Variants in WNK2 observed in about 807,000 individuals in gnomAD.
WNK2 encodes serine/threonine-protein kinase WNK2.
A neutral mutation model predicts 192.1 loss-of-function variants in WNK2; 67 were observed. That is an observed-to-expected ratio of 0.35 (90% CI 0.29 to 0.43). The LOEUF (loss-of-function observed/expected upper bound fraction) is 0.43. Among genes scored for constraint, WNK2 ranks in the 20% least tolerant of loss-of-function variants. The probability of loss-of-function intolerance (pLI) is 1.00; values close to 1 mark genes in which losing one functional copy is unlikely to be tolerated. For synonymous variants in WNK2, 1,439 were observed against 1,393.9 expected (o/e 1.03, Z -0.72); for missense variants, 2,698 against 3,089.7 (o/e 0.87, Z 3.01).
chr9:93,314,552 C>CTTATAAGCAATGATGCCAGCCAT (rs1238665379), intron 28 of WNK2, among the ~76,000 whole-genome samples: 1 of 152,112 alleles, frequency 6.6e-6, no homozygotes. Flanking sequence ...GTTCAAGACA[C>CTTATAAGCAATGATGCCAGCCAT]TTATAAGCAA....
chr9:93,199,246 C>T (rs1831889434), intron 2 of WNK2, among the ~76,000 whole-genome samples: 2 of 152,232 alleles, frequency 1.3e-5, no homozygotes, highest in African/African-American at 2.4e-5. Flanking sequence ...ATTCTGGTGG[C>T]ACCAGGACTG....
rs1851361619 is a variant in WNK2, at chr9:93,300,265, C to T, written c.6214+116C>T. On this transcript the variant is annotated intron_variant, in intron 26 of 29. Coordinates refer to ENST00000427277, the MANE Select transcript of WNK2 (RefSeq NM_006648.4). ...TCATAGGATGCCTCCCCCACCCCAT[C>T]GAAGTCACCTATTTAATATCAAAGT... The T allele has an allele frequency of 6.0e-6, 5 of 828,440 alleles. No homozygotes were observed. In the Admixed American group the frequency reaches 6.7e-5, roughly 11 times the overall value. The allele number at this position is 828,440 out of a possible 1,614,324, so 51.3% of individuals were successfully genotyped here. A position where few individuals can be genotyped will look rare whatever the true frequency, so the allele number is the denominator to read the frequency against.
chr9:93,208,053 G>T (rs573161626), intron 2 of WNK2, among the ~76,000 whole-genome samples: 14 of 152,262 alleles, frequency 9.2e-5, no homozygotes, highest in Non-Finnish European at 1.9e-4. Flanking sequence ...TCCGGTGCCT[G>T]GCTTTTCTTG....
rs931910409 is a variant in WNK2, at chr9:93,239,186, C to T, written c.1323-571C>T. ...CTCCCGGATCCCTGCAAAGAGCCTT[C>T]GAGGCTGGGTCTGGCTGGGGCCCCC... is the stretch of plus-strand genomic sequence containing the variant. On this transcript the variant is annotated intron_variant, in intron 6 of 29. Transcript: ENST00000427277. This position sits in a 1 kb window ranked among gnomAD's most constrained non-coding sequence, Gnocchi z 4.2. 1.1e-4 allele frequency among the ~76,000 whole-genome samples: 17 copies of T among 152,204 alleles called. No homozygotes were observed. The highest frequency in any genetic ancestry group is 3.9e-4 in the African/African-American group (16 of 41,446).
intron 2 of WNK2, among the ~76,000 whole-genome samples, chr9:93,186,060 C>G (rs928197854): frequency 7.9e-5 from 12 of 152,120 alleles, no homozygotes; most frequent in Non-Finnish European, 1.5e-4. Flanking sequence ...TTTGGGGGCT[C>G]TGGGCTGCCC....
chr9:93,274,589 T>G (rs2133396064), intron 19 of WNK2, among the ~76,000 whole-genome samples: 1 of 149,450 alleles, frequency 6.7e-6, no homozygotes, highest in East Asian at 1.9e-4. Flanking sequence ...GGTATATTAC[T>G]GTAGATAAAG....
Position 93,257,737 on chromosome 9 carries a change from T to C in WNK2, c.2382+598T>C, listed in dbSNP as rs1002520704. Among the ~76,000 whole-genome samples, 2 of 152,220 alleles carry C rather than the reference T, an allele frequency of 1.3e-5. No individual in the cohort carries two copies. The highest frequency in any genetic ancestry group is 1.3e-4 in the Admixed American group (2 of 15,284). On this transcript the variant is annotated intron_variant, in intron 11 of 29. Transcript: ENST00000427277. This position sits in a 1 kb window ranked among gnomAD's most constrained non-coding sequence, Gnocchi z 4.7. ...TTCCAAAGCCAGCCTGTGGCATTGCTGACTGCAGGAAAGCCCAGCCAGCAA... is the reference window on the plus strand; with the variant it reads ...TTCCAAAGCCAGCCTGTGGCATTGCCGACTGCAGGAAAGCCCAGCCAGCAA...
At chr9:93,215,235 G>A (rs910376719) in intron 2 of WNK2, among the ~76,000 whole-genome samples, 13 of 151,962 alleles carry the variant, frequency 8.6e-5, no homozygotes, top group African/African-American at 2.9e-4. Flanking sequence ...AATTCTCCCT[G>A]ACTGTAGCTA....
chr9:93,198,849 T>C (rs572163711), intron 2 of WNK2, among the ~76,000 whole-genome samples: 1 of 152,258 alleles, frequency 6.6e-6, no homozygotes, highest in East Asian at 1.9e-4. Context: ...TCTTGCCCCA[T>C]TGTCCTTCTA....
At chr9:93,299,627 G>A (rs927119760) in intron 25 of WNK2, among the ~76,000 whole-genome samples, 2 of 151,990 alleles carry the variant, frequency 1.3e-5, no homozygotes, top group African/African-American at 2.4e-5. Flanking sequence ...GCCAGATGGT[G>A]CTAAACACCG....
chr9:93,253,113 C>T lies in WNK2; in HGVS notation c.2034+31C>T, dbSNP rs117667668. ...TCAGAGCATCACTCCCACCCCCTTC[C>T]CCATCCCCATTACCTGGTCTGAGGG... On this transcript the variant is annotated intron_variant, in intron 9 of 29. Transcript: ENST00000427277. The T allele has an allele frequency of 3.6e-3, 2,905 of 815,588 alleles. 9 individuals are homozygous for T. The highest frequency in any genetic ancestry group is 4.9e-3 in the Non-Finnish European group (2,727 of 557,022). 50.5% of individuals were successfully genotyped at this position (815,588 alleles called of 1,614,324 possible).
At chr9:93,263,412 A>G in intron 14 of WNK2, 154 bp from the exon 15 acceptor site, 1 of 867,166 alleles carries the variant, frequency 1.2e-6, no homozygotes, top group Non-Finnish European at 1.7e-6. Flanking sequence ...GCCCAGAAGC[A>G]GGCTTGGGGT....
At chr9:93,241,200 G>A (rs918763110) in intron 7 of WNK2, among the ~76,000 whole-genome samples, 4 of 152,236 alleles carry the variant, frequency 2.6e-5, no homozygotes, top group Non-Finnish European at 5.9e-5. Context: ...ATGAACAAAC[G>A]TTGACATTAA....
intron 2 of WNK2, among the ~76,000 whole-genome samples, chr9:93,228,836 T>G (rs562605906): frequency 6.6e-6 from 1 of 151,888 alleles, no homozygotes; most frequent in Non-Finnish European, 1.5e-5. Flanking sequence ...TAGTGAGGGA[T>G]GAGGTGGGAG....
chr9:93,232,691 G>C (rs1564046195), intron 4 of WNK2, among the ~76,000 whole-genome samples: 1 of 152,192 alleles, frequency 6.6e-6, no homozygotes, highest in Non-Finnish European at 1.5e-5. Context: ...ACGAAGTTTC[G>C]AGTTGCTGGA....
intron 29 of WNK2, chr9:93,317,925 C>T (rs1463615505): frequency 6.3e-7 from 1 of 1,598,126 alleles, no homozygotes; most frequent in Non-Finnish European, 8.5e-7. Flanking sequence ...GCCTCCGAGT[C>T]CCCCCCACCG....
At chr9:93,246,639 G>C (rs1436840742) in intron 7 of WNK2, among the ~76,000 whole-genome samples, 1 of 152,190 alleles carries the variant, frequency 6.6e-6, no homozygotes, top group Non-Finnish European at 1.5e-5. Flanking sequence ...AGCCTCCATT[G>C]GTGCTGTCAC....
At position 93,293,050 on chromosome 9, in the gene WNK2, G is replaced by A. The variant is rs748198411; in HGVS notation, c.5585G>A (p.Gly1862Asp). The change falls in exon 23 of 30, where the codon GGC becomes GAC. Residue 1862 changes from glycine to aspartate, a missense_variant. Gly to Asp is a moderately conservative substitution (Grantham distance 94). Coordinates refer to ENST00000427277, the MANE Select transcript of WNK2 (RefSeq NM_006648.4). ...GGCCCCGAGACACCCAGCAGGGTGG[G>A]CATGAAGGTCCCCACGATCAGCGTG... ...SLGPETPSRVGMKVPTISVTS... is the reference protein window; with the variant it reads ...SLGPETPSRVDMKVPTISVTS... 2.5e-6 allele frequency: 4 copies of A among 1,610,368 alleles called. No homozygotes were observed. The South Asian group carries it at 3.3e-5, about 13-fold the overall frequency.
intron 2 of WNK2, among the ~76,000 whole-genome samples, chr9:93,194,031 C>A (rs554555132): frequency 6.6e-6 from 1 of 152,136 alleles, no homozygotes; most frequent in Non-Finnish European, 1.5e-5. Flanking sequence ...CAACAAATGG[C>A]GCTGGAACAA....
Sources: allele counts gnomAD v4.1 joint callset (sites outside exome capture counted in the v4.1 genomes callset), GRCh38; gene constraint gnomAD v4.1.1; non-coding constraint Gnocchi (gnomAD v3.1); transcripts MANE v1.5; gene names NCBI Gene and HGNC (gene_info 2026-07-23, HGNC 2026-07-21).